MAGI2: variants seen among roughly 807,000 people sequenced by gnomAD.
The protein encoded by MAGI2 is membrane associated guanylate kinase, WW and PDZ domain containing 2.
In MAGI2, 35 loss-of-function variants were observed where a neutral mutation model predicts 133.3. The ratio of observed to expected loss-of-function variants is 0.26; its 90% confidence interval spans 0.20 to 0.35. The LOEUF (loss-of-function observed/expected upper bound fraction) is 0.35, where lower values mean the gene tolerates loss of function less well. MAGI2 is among the 10% of genes least tolerant of loss of function. The pLI, the probability that MAGI2 is intolerant of heterozygous loss-of-function variation, is 1.00. For missense variants in MAGI2, 1,636 were observed against 1,863.4 expected (o/e 0.88, Z 2.25); for synonymous variants, 729 against 710.6 (o/e 1.03, Z -0.41).
chr7:78,860,773 G>A (rs1003200425), intron 2 of MAGI2, among the ~76,000 whole-genome samples: 7 of 152,178 alleles, frequency 4.6e-5, no homozygotes, highest in African/African-American at 1.7e-4. Flanking sequence ...CTTCAAAGCT[G>A]TCAGAGAGGG....
chr7:78,750,092 T>C (rs1022615330), intron 2 of MAGI2, among the ~76,000 whole-genome samples: 1 of 152,182 alleles, frequency 6.6e-6, no homozygotes, highest in Non-Finnish European at 1.5e-5. Context: ...CCATGTGTTT[T>C]CACTGTTCAT....
chr7:78,678,808 T>C (rs1815325727), intron 2 of MAGI2, among the ~76,000 whole-genome samples: 1 of 152,154 alleles, frequency 6.6e-6, no homozygotes, highest in South Asian at 2.1e-4. Flanking sequence ...GAAATAAGAA[T>C]AAAATGGCAG....
chr7:79,222,150 C>A (rs956653730), intron 1 of MAGI2, among the ~76,000 whole-genome samples: 12 of 151,924 alleles, frequency 7.9e-5, no homozygotes, highest in Non-Finnish European at 1.6e-4. Context: ...CAGAGGAAAC[C>A]AGTCCTTCTA....
chr7:78,801,320 T>C (rs905235412), intron 2 of MAGI2, among the ~76,000 whole-genome samples: 2 of 152,166 alleles, frequency 1.3e-5, no homozygotes, highest in African/African-American at 4.8e-5. Context: ...ATCAGCACTG[T>C]TAGATTTGGT....
chr7:79,180,110 G>A (rs902351618), intron 1 of MAGI2, among the ~76,000 whole-genome samples: 8 of 151,926 alleles, frequency 5.3e-5, no homozygotes, highest in African/African-American at 1.2e-4. Context: ...CAAAGAACAC[G>A]AATTGATATC....
At chr7:78,696,598 G>C (rs748298292) in intron 2 of MAGI2, among the ~76,000 whole-genome samples, 25 of 151,830 alleles carry the variant, frequency 1.6e-4, no homozygotes, top group Non-Finnish European at 3.5e-4. Context: ...GGTTTCCTAA[G>C]ACTTTCTCAT....
intron 18 of MAGI2, among the ~76,000 whole-genome samples, chr7:78,128,226 G>C (rs956679698): frequency 1.3e-5 from 2 of 152,132 alleles, no homozygotes; most frequent in Non-Finnish European, 2.9e-5. Flanking sequence ...GCATTGTTTT[G>C]TGAATCCAAA....
chr7:78,769,719 C>A (rs1017450016), intron 2 of MAGI2, among the ~76,000 whole-genome samples: 4 of 152,120 alleles, frequency 2.6e-5, no homozygotes, highest in Non-Finnish European at 5.9e-5. Context: ...ACTGCCAGAG[C>A]GCATCTTAAT....
chr7:78,124,378 G>C (rs1293099452), intron 20 of MAGI2, among the ~76,000 whole-genome samples: 2 of 152,148 alleles, frequency 1.3e-5, no homozygotes, highest in Non-Finnish European at 2.9e-5. Flanking sequence ...GCCCTGCCTG[G>C]GTTTAAATTC....
chr7:79,162,343 C>T (rs78992563), intron 1 of MAGI2, among the ~76,000 whole-genome samples: 1,649 of 152,120 alleles, frequency 0.011, 43 homozygotes, highest in African/African-American at 0.038. Context: ...TAGGAATCTG[C>T]CTTATTTGGC....
chr7:78,631,421 T>C (rs1476554012), intron 2 of MAGI2, among the ~76,000 whole-genome samples: 1 of 152,166 alleles, frequency 6.6e-6, no homozygotes, highest in Non-Finnish European at 1.5e-5. Context: ...CCTGCCTCCT[T>C]CTTTCAGTTC....
intron 6 of MAGI2, among the ~76,000 whole-genome samples, chr7:78,488,805 C>T (rs566304747): frequency 1.3e-5 from 2 of 152,098 alleles, no homozygotes; most frequent in South Asian, 2.1e-4. Context: ...GGAATGTGGA[C>T]AGTATCTGAG....
rs141064022 is a variant in MAGI2, at chr7:78,766,580, T to C, written c.419-139341A>G. ...CCTCTTACTTGACAGTACACAGTATTGTTAGTTTCCTTAAACACTCTGAAG... is the reference window on the plus strand; with the variant it reads ...CCTCTTACTTGACAGTACACAGTATCGTTAGTTTCCTTAAACACTCTGAAG... On this transcript the variant is annotated intron_variant, in intron 2 of 21. Transcript: ENST00000354212. Among the ~76,000 whole-genome samples, 8 of 152,352 alleles carry C rather than the reference T, an allele frequency of 5.3e-5. No homozygotes were observed. The East Asian group carries it at 1.5e-3, about 29-fold the overall frequency.
At chr7:78,732,190 G>A (rs1045701634) in intron 2 of MAGI2, among the ~76,000 whole-genome samples, 2 of 152,010 alleles carry the variant, frequency 1.3e-5, no homozygotes, top group African/African-American at 2.4e-5. Flanking sequence ...AAGGTAGGTG[G>A]GTCAATGATA....
chr7:78,135,838 C>G (rs1017685093), intron 16 of MAGI2, among the ~76,000 whole-genome samples: 1 of 152,130 alleles, frequency 6.6e-6, no homozygotes, highest in Admixed American at 6.6e-5. Flanking sequence ...CACATCTTAC[C>G]TCTTCTTTTT....
intron 1 of MAGI2, among the ~76,000 whole-genome samples, chr7:79,364,102 G>T (rs1842537849): frequency 1.3e-5 from 2 of 151,868 alleles, no homozygotes; most frequent in Admixed American, 1.3e-4. Context: ...TGTTGGTGAG[G>T]ACACAAAGAA....
At chr7:78,283,003 C>T (rs545288486) in intron 9 of MAGI2, among the ~76,000 whole-genome samples, 1 of 151,862 alleles carries the variant, frequency 6.6e-6, no homozygotes, top group Non-Finnish European at 1.5e-5. Flanking sequence ...AAGATATGAC[C>T]TGGATTTCCT....
intron 2 of MAGI2, among the ~76,000 whole-genome samples, chr7:78,720,274 A>T (rs1330043177): frequency 6.6e-6 from 1 of 152,184 alleles, no homozygotes; most frequent in Non-Finnish European, 1.5e-5. Context: ...AGTAATAGCT[A>T]ACACTGAATG....
At chr7:79,119,419 A>G (rs537570767) in intron 1 of MAGI2, among the ~76,000 whole-genome samples, 2 of 152,244 alleles carry the variant, frequency 1.3e-5, no homozygotes, top group African/African-American at 4.8e-5. Context: ...AGGGGAATGA[A>G]TACCATTTGC....
Sources: gnomAD v4.1 joint callset for allele counts (sites outside exome capture counted in the v4.1 genomes callset) on GRCh38, gnomAD v4.1.1 for gene constraint, MANE v1.5 for transcripts, NCBI Gene and HGNC (gene_info 2026-07-23, HGNC 2026-07-21) for gene names.